Variants in TMEM132B observed in about 807,000 individuals in gnomAD.
TMEM132B encodes transmembrane protein 132B.
Under a neutral mutation model 90.8 loss-of-function variants are expected in TMEM132B, and 18 were observed. That is an observed-to-expected ratio of 0.20 (90% CI 0.14 to 0.29). The LOEUF (loss-of-function observed/expected upper bound fraction) is 0.29. Among genes scored for constraint, TMEM132B ranks in the 10% least tolerant of loss-of-function variants. TMEM132B has a pLI of 1.00. For synonymous variants in TMEM132B, 504 were observed against 523.3 expected (o/e 0.96, Z 0.50); for missense variants, 1,096 against 1,326.8 (o/e 0.83, Z 2.70).
chr12:125,451,682 T>C (rs938959265), intron 3 of TMEM132B, among the ~76,000 whole-genome samples: 2 of 151,998 alleles, frequency 1.3e-5, no homozygotes, highest in Non-Finnish European at 2.9e-5. Context: ...TCTCCTCATG[T>C]GTGTAGGTAT....
chr12:125,551,081 G>A lies in TMEM132B; in HGVS notation c.1293+31456G>A, dbSNP rs189230653. 3.4e-3 allele frequency among the ~76,000 whole-genome samples: 515 copies of A among 152,384 alleles called. 4 individuals are homozygous for A. Among genetic ancestry groups the A allele is most frequent in the African/African-American group, 0.011 (474 of 41,588 alleles). On this transcript the variant is annotated intron_variant, in intron 4 of 8. Coordinates refer to ENST00000682704, the MANE Select transcript of TMEM132B (RefSeq NM_001366854.1). The stretch of plus-strand genomic sequence containing the variant: ...GCCCGCCTCGGCCTCCCGAAGTGTT[G>A]GGACTACAGGCGTGAGCCACTGTGT...
chr12:125,552,372 C>T (rs2136763595), intron 4 of TMEM132B, among the ~76,000 whole-genome samples: 1 of 152,276 alleles, frequency 6.6e-6, no homozygotes, highest in Admixed American at 6.5e-5. Context: ...TAGGCAGAGA[C>T]AGAGGGGGGT....
intron 2 of TMEM132B, among the ~76,000 whole-genome samples, chr12:125,392,546 G>T (rs1879055287): frequency 1.3e-5 from 2 of 152,212 alleles, no homozygotes; most frequent in Admixed American, 6.5e-5. Context: ...GGGTCTGGAG[G>T]TTGTGCTCTT....
At chr12:125,640,068 C>T (rs1387686150) in intron 5 of TMEM132B, among the ~76,000 whole-genome samples, 1 of 152,196 alleles carries the variant, frequency 6.6e-6, no homozygotes, top group Non-Finnish European at 1.5e-5. Flanking sequence ...TGCAGCAGTT[C>T]CTGTCGTCAG....
At chr12:125,612,640 A>G (rs1885864348) in intron 5 of TMEM132B, among the ~76,000 whole-genome samples, 1 of 141,626 alleles carries the variant, frequency 7.1e-6, no homozygotes, top group Admixed American at 7.1e-5. Flanking sequence ...ACAGTATGAC[A>G]ACTATATATA....
chr12:125,228,904 G>A (rs1164148119), intron 1 of TMEM132B, among the ~76,000 whole-genome samples: 1 of 152,198 alleles, frequency 6.6e-6, no homozygotes, highest in Non-Finnish European at 1.5e-5. Flanking sequence ...GGGCTTCTTT[G>A]ACTAATTCTC....
chr12:125,593,940 GTC>G (rs1885378218), intron 5 of TMEM132B, among the ~76,000 whole-genome samples: 1 of 152,124 alleles, frequency 6.6e-6, no homozygotes, highest in Non-Finnish European at 1.5e-5. Context: ...ACATATTAAA[GTC>G]TGCAATTTGA....
chr12:125,491,474 C>T (rs1882348240), intron 3 of TMEM132B, among the ~76,000 whole-genome samples: 1 of 152,188 alleles, frequency 6.6e-6, no homozygotes, highest in Non-Finnish European at 1.5e-5. Context: ...AAACTTCCTT[C>T]AAAGCCGCAG....
intron 1 of TMEM132B, among the ~76,000 whole-genome samples, chr12:125,255,560 A>G (rs1874421123): frequency 6.6e-6 from 1 of 152,138 alleles, no homozygotes; most frequent in South Asian, 2.1e-4. Flanking sequence ...GTTCAGCTCC[A>G]CCATATTAAA....
intron 5 of TMEM132B, chr12:125,584,365 T>C (rs1489449518): frequency 4.6e-6 from 1 of 217,870 alleles, no homozygotes; most frequent in Non-Finnish European, 9.3e-6. Context: ...TCACTGTGCC[T>C]AATAATATTA....
intron 5 of TMEM132B, among the ~76,000 whole-genome samples, chr12:125,628,651 G>A (rs985048632): frequency 2.0e-5 from 3 of 152,052 alleles, no homozygotes; most frequent in African/African-American, 7.2e-5. Context: ...CTCTTAACTT[G>A]ATATGATCCC....
intron 1 of TMEM132B, among the ~76,000 whole-genome samples, chr12:125,234,475 C>T (rs1593050281): frequency 6.6e-6 from 1 of 152,196 alleles, no homozygotes; most frequent in African/African-American, 2.4e-5. Flanking sequence ...GCACTGGCCA[C>T]ATCAGCACTC....
intron 2 of TMEM132B, among the ~76,000 whole-genome samples, chr12:125,355,716 C>T (rs1276737022): frequency 6.6e-6 from 1 of 152,210 alleles, no homozygotes; most frequent in Non-Finnish European, 1.5e-5. Flanking sequence ...TGACACATTT[C>T]ATTCTGGCTT....
At chr12:125,533,309 A>T (rs1370628605) in intron 4 of TMEM132B, among the ~76,000 whole-genome samples, 3 of 152,232 alleles carry the variant, frequency 2.0e-5, no homozygotes. Flanking sequence ...AAGGTGAAAT[A>T]CTTAAGATAG....
intron 2 of TMEM132B, among the ~76,000 whole-genome samples, chr12:125,364,987 A>G (rs548028284): frequency 7.7e-4 from 117 of 152,100 alleles, no homozygotes; most frequent in African/African-American, 2.8e-3. Context: ...TGCTTATTTC[A>G]TTAATATTTA....
chr12:125,198,100 T>C (rs1201531674), intron 1 of TMEM132B, among the ~76,000 whole-genome samples: 1 of 152,214 alleles, frequency 6.6e-6, no homozygotes, highest in African/African-American at 2.4e-5. Flanking sequence ...TTTCTTCATA[T>C]TGGGTTAAAA....
Position 125,611,106 on chromosome 12 carries a change from T to G in TMEM132B, c.1437+27112T>G, listed in dbSNP as rs541095832. ...AGGCCTATTCAGACTTTGTATTTCT[T>G]TCTCAGTCAGTTTCACCAATTTTTA... is the stretch of plus-strand genomic sequence containing the variant. On this transcript the variant is annotated intron_variant, in intron 5 of 8. Transcript: ENST00000682704. 1.8e-3 allele frequency among the ~76,000 whole-genome samples: 275 copies of G among 152,250 alleles called. 1 individual carries two copies. Among genetic ancestry groups the G allele is most frequent in the Middle Eastern group, 3.4e-3 (1 of 294 alleles).
intron 4 of TMEM132B, among the ~76,000 whole-genome samples, chr12:125,574,340 T>C (rs1884882877): frequency 6.6e-6 from 1 of 152,190 alleles, no homozygotes; most frequent in South Asian, 2.1e-4. Context: ...CTCTCAAATG[T>C]GGTACCAGAT....
At chr12:125,198,741 A>G (rs1872984506) in intron 1 of TMEM132B, among the ~76,000 whole-genome samples, 1 of 152,186 alleles carries the variant, frequency 6.6e-6, no homozygotes, top group African/African-American at 2.4e-5. Context: ...ACTGCAGACC[A>G]CCAAGTAGGG....
Sources: allele counts gnomAD v4.1 joint callset (sites outside exome capture counted in the v4.1 genomes callset), GRCh38; gene constraint gnomAD v4.1.1; transcripts MANE v1.5; gene names NCBI Gene and HGNC (gene_info 2026-07-23, HGNC 2026-07-21).